TIAM1: variants seen among roughly 807,000 people sequenced by gnomAD.
The protein encoded by TIAM1 is TIAM Rac1 associated GEF 1.
A neutral mutation model predicts 163.5 loss-of-function variants in TIAM1; 65 were observed. That is an observed-to-expected ratio of 0.40 (90% confidence interval 0.33 to 0.49). The LOEUF (loss-of-function observed/expected upper bound fraction) is 0.49, where lower values mean the gene tolerates loss of function less well. TIAM1 is among the 20% of genes least tolerant of loss of function. The pLI is 0.77. For missense variants in TIAM1, 1,789 were observed against 2,044.7 expected, an observed-to-expected ratio of 0.87 and a Z score of 2.41; for synonymous variants, 833 against 810.1, an observed-to-expected ratio of 1.03 and a Z score of -0.48.
At chr21:31,189,299 C>T (rs1190712476) in intron 13 of TIAM1, among the ~76,000 whole-genome samples, 2 of 152,010 alleles carry the variant, frequency 1.3e-5, no homozygotes, top group Non-Finnish European at 2.9e-5. Context: ...AAGTGATCCA[C>T]CTGCCTCGGC....
chr21:31,517,063 A>AG (rs2047408259), intron 1 of TIAM1, among the ~76,000 whole-genome samples: 1 of 150,292 alleles, frequency 6.7e-6, no homozygotes, highest in African/African-American at 2.5e-5. Context: ...AAAAAAAAAA[A>AG]AAAGAAAAGA....
At chr21:31,324,700 A>C (rs961274694) in intron 2 of TIAM1, among the ~76,000 whole-genome samples, 2 of 152,162 alleles carry the variant, frequency 1.3e-5, no homozygotes, top group African/African-American at 4.8e-5. Context: ...TTCCATCCAC[A>C]GGGCCCCTAA....
chr21:31,417,555 C>T (rs574708276), intron 2 of TIAM1, among the ~76,000 whole-genome samples: 1 of 152,298 alleles, frequency 6.6e-6, no homozygotes, highest in South Asian at 2.1e-4. Context: ...CAATTATCTC[C>T]CACTGGGTCC....
At chr21:31,145,072 A>T (rs1372995624) in intron 20 of TIAM1, among the ~76,000 whole-genome samples, 2 of 152,140 alleles carry the variant, frequency 1.3e-5, no homozygotes, top group Admixed American at 1.3e-4. Flanking sequence ...CAATCTCGTA[A>T]CAATTAGCAT....
chr21:31,330,165 T>C lies in TIAM1; in HGVS notation c.-189+9078A>G, dbSNP rs75476825. On this transcript the variant is annotated intron_variant, in intron 2 of 27. Transcript: ENST00000541036. ...CTCATACAGAGTAGTTTCACCACCC[T>C]GGGAGCACCAGTCCTGTGTGCCCTG... is the stretch of plus-strand genomic sequence containing the variant. 3.8e-3 allele frequency among the ~76,000 whole-genome samples: 572 copies of C among 152,312 alleles called. 3 individuals are homozygous for C. Among genetic ancestry groups the C allele is most frequent in the African/African-American group, 0.013 (534 of 41,572 alleles).
intron 2 of TIAM1, among the ~76,000 whole-genome samples, chr21:31,288,711 T>C (rs1273048146): frequency 6.6e-6 from 1 of 152,134 alleles, no homozygotes; most frequent in Admixed American, 6.5e-5. Flanking sequence ...TTATGGAACT[T>C]AAAACACACA....
At chr21:31,430,221 A>ATATATAT (rs1188059548) in intron 2 of TIAM1, among the ~76,000 whole-genome samples, 146 of 104,768 alleles carry the variant, frequency 1.4e-3, no homozygotes, top group African/African-American at 6.2e-3. Context: ...AAAAAAAAAA[A>ATATATAT]AAAAATATAT....
At chr21:31,142,498 G>A (rs2082893161) in intron 20 of TIAM1, among the ~76,000 whole-genome samples, 2 of 147,692 alleles carry the variant, frequency 1.4e-5, no homozygotes, top group African/African-American at 5.0e-5. Context: ...CAGGCTGGTG[G>A]CAGGCGCCCA....
intron 1 of TIAM1, among the ~76,000 whole-genome samples, chr21:31,487,843 C>G (rs1483759724): frequency 6.6e-6 from 1 of 152,098 alleles, no homozygotes; most frequent in Admixed American, 6.6e-5. Context: ...AGGCGTGAGC[C>G]ACCGCGCCCG....
chr21:31,465,490 G>A (rs1034630563), intron 1 of TIAM1, among the ~76,000 whole-genome samples: 35 of 151,982 alleles, frequency 2.3e-4, no homozygotes, highest in Non-Finnish European at 1.2e-4. Flanking sequence ...TTCAGCCCTT[G>A]CTTGAGACCA....
intron 2 of TIAM1, among the ~76,000 whole-genome samples, chr21:31,462,134 T>A (rs372320399): frequency 5.9e-5 from 9 of 152,200 alleles, no homozygotes; most frequent in South Asian, 2.1e-4. Flanking sequence ...AACTTTTTTT[T>A]AAAATAAAGG....
chr21:31,250,081 G>A (rs1308597485), intron 5 of TIAM1, among the ~76,000 whole-genome samples: 1 of 151,120 alleles, frequency 6.6e-6, no homozygotes, highest in Non-Finnish European at 1.5e-5. Context: ...AGGAATTTGT[G>A]GCTGCAGTGA....
chr21:31,191,357 T>C (rs2085554249), intron 13 of TIAM1, among the ~76,000 whole-genome samples: 2 of 152,126 alleles, frequency 1.3e-5, no homozygotes, highest in Non-Finnish European at 2.9e-5. Flanking sequence ...GGTTTCACCA[T>C]GTTGGCCAGG....
intron 27 of TIAM1, among the ~76,000 whole-genome samples, chr21:31,123,274 C>G (rs1435457347): frequency 6.6e-6 from 1 of 152,124 alleles, no homozygotes. Flanking sequence ...ATTCCCAAAC[C>G]TTTTTAAACA....
chr21:31,217,180 C>G (rs1326743483), intron 9 of TIAM1, among the ~76,000 whole-genome samples: 1 of 150,972 alleles, frequency 6.6e-6, no homozygotes, highest in East Asian at 1.9e-4. Context: ...GCACTCCAGC[C>G]TGGTGACAGA....
At chr21:31,278,794 G>C (rs1601804654) in intron 2 of TIAM1, among the ~76,000 whole-genome samples, 1 of 152,086 alleles carries the variant, frequency 6.6e-6, no homozygotes, top group Admixed American at 6.5e-5. Context: ...TTCCCCCATT[G>C]CTACCCGGTT....
intron 2 of TIAM1, among the ~76,000 whole-genome samples, chr21:31,291,648 G>C (rs1418401861): frequency 6.6e-6 from 1 of 152,194 alleles, no homozygotes; most frequent in Non-Finnish European, 1.5e-5. Context: ...TCAGCCTCCT[G>C]AGTAGCTGGG....
intron 1 of TIAM1, among the ~76,000 whole-genome samples, chr21:31,523,730 C>A (rs2047683233): frequency 6.6e-6 from 1 of 152,100 alleles, no homozygotes; most frequent in Non-Finnish European, 1.5e-5. Flanking sequence ...TCGAGAACAG[C>A]CTGGCCAACA....
rs970987918 is a variant in TIAM1, at chr21:31,466,330, C to T, written c.-421-2295G>A. On this transcript the variant is annotated intron_variant, in intron 1 of 28. Transcript: ENST00000286827. ...CTTGCTAAATCAACTTAACAGGATT[C>T]CTGCTGAAGGCAGGTTGACTTAGAC... is the stretch of plus-strand genomic sequence containing the variant. Among the ~76,000 whole-genome samples, 4 of 152,134 alleles carry T rather than the reference C, an allele frequency of 2.6e-5. No homozygotes were observed. In the South Asian group the frequency reaches 8.3e-4, roughly 31 times the overall value.
Sources: allele counts gnomAD v4.1 joint callset (sites outside exome capture counted in the v4.1 genomes callset), GRCh38; gene constraint gnomAD v4.1.1; transcripts MANE v1.5; gene names NCBI Gene and HGNC (gene_info 2026-07-23, HGNC 2026-07-21).